The following TTK variants were observed in gnomAD, a reference collection of about 807,000 sequenced individuals.
TTK encodes dual specificity protein kinase TTK.
In TTK, 59 loss-of-function variants were observed where a neutral mutation model predicts 117.3. The observed-to-expected ratio is 0.50, with a 90% CI of 0.41 to 0.62. TTK has a LOEUF of 0.62. TTK is among the 20% of genes least tolerant of loss of function. The pLI, the probability that TTK is intolerant of heterozygous loss-of-function variation, is 0.00. For missense variants in TTK, 921 were observed against 989.4 expected (o/e 0.93, Z 0.93); for synonymous variants, 302 against 325.0 (o/e 0.93, Z 0.76).
intron 2 of TTK, among the ~76,000 whole-genome samples, chr6:80,006,406 GGCTGACT>G (rs1267897417): frequency 6.6e-6 from 1 of 152,126 alleles, no homozygotes; most frequent in Non-Finnish European, 1.5e-5. Context: ...TAATCATGGT[GGCTGACT>G]GTTCACTTTG....
At chr6:80,041,459 C>A (rs1173893497) in intron 21 of TTK, among the ~76,000 whole-genome samples, 9 of 151,606 alleles carry the variant, frequency 5.9e-5, no homozygotes, top group Non-Finnish European at 1.3e-4. Context: ...ATGGCTAAAT[C>A]AATGGATTTA....
At chr6:80,012,422 A>G (rs1297140058) in intron 8 of TTK, among the ~76,000 whole-genome samples, 2 of 151,988 alleles carry the variant, frequency 1.3e-5, no homozygotes, top group African/African-American at 4.8e-5. Flanking sequence ...TAGTGCTTCA[A>G]GAAGTGGGAC....
At chr6:80,015,361 A>G (rs1767279883) in intron 10 of TTK, among the ~76,000 whole-genome samples, 1 of 152,162 alleles carries the variant, frequency 6.6e-6, no homozygotes, top group Non-Finnish European at 1.5e-5. Flanking sequence ...TATTTTTAGA[A>G]TGCAGGGTAC....
rs150592665 is a variant in TTK, at chr6:80,013,928, A to G, written c.985-535A>G. On this transcript the variant is annotated intron_variant, in intron 9 of 21. Coordinates refer to ENST00000369798, the MANE Select transcript of TTK (RefSeq NM_003318.5). Reference sequence around the variant, plus strand: ...TGGCATCATGATGTGGGTCTTTTCAATTTTATGTTCTTTGTAATGCCTCCC... The same window carrying G: ...TGGCATCATGATGTGGGTCTTTTCAGTTTTATGTTCTTTGTAATGCCTCCC... Among the ~76,000 whole-genome samples, 97 of 152,034 alleles carry G rather than the reference A, an allele frequency of 6.4e-4. No individual in the cohort carries two copies. The Middle Eastern group carries it at 0.014, about 21-fold the overall frequency.
At chr6:80,008,929 C>CTGTGTGTGTGTGTGTGTGTGTGTG (rs3049166) in intron 4 of TTK, among the ~76,000 whole-genome samples, 54 of 142,404 alleles carry the variant, frequency 3.8e-4, no homozygotes, top group Admixed American at 5.1e-4. Flanking sequence ...AACTATATAT[C>CTGTGTGTGTGTGTGTGTGTGTGTG]TGTGTGTGTG....
intron 14 of TTK, among the ~76,000 whole-genome samples, chr6:80,034,303 C>T (rs368179297): frequency 6.6e-6 from 1 of 152,114 alleles, no homozygotes; most frequent in Non-Finnish European, 1.5e-5. Context: ...TAACAAATCA[C>T]AACTCTGACA....
Position 80,025,392 on chromosome 6 carries a change from C to T in TTK, c.1258-986C>T, listed in dbSNP as rs1035586875. Among the ~76,000 whole-genome samples the T allele has an allele frequency of 5.3e-5, 8 of 152,120 alleles. No homozygotes were observed. In the East Asian group the frequency reaches 9.6e-4, roughly 18 times the overall value. ...ATTTAGTCATTGTAATTCTCAAGTG[C>T]GTAATGAGGACCAGTGTGTTGAAAT... On this transcript the variant is annotated intron_variant, in intron 11 of 21. Coordinates refer to ENST00000369798, the MANE Select transcript of TTK (RefSeq NM_003318.5).
In TTK at chr6:80,041,143, C is replaced by T. The variant is rs188596015; in HGVS notation, c.2490+440C>T. 3.5e-3 allele frequency among the ~76,000 whole-genome samples: 535 copies of T among 151,844 alleles called. 1 individual carries two copies. The highest frequency in any genetic ancestry group is 5.9e-3 in the Non-Finnish European group (399 of 67,746). Reference sequence around the variant, plus strand: ...GCACAAGTCTCAAGCTTTTTAGCTTCCCAATGTCCATTTATATCTATACCA... The same window carrying T: ...GCACAAGTCTCAAGCTTTTTAGCTTTCCAATGTCCATTTATATCTATACCA... On this transcript the variant is annotated intron_variant, in intron 21 of 21. Transcript: ENST00000369798.
Position 80,013,386 on chromosome 6 carries a change from T to G in TTK, c.984+20T>G, listed in dbSNP as rs1225386054. The G allele has an allele frequency of 6.4e-7, 1 of 1,564,596 alleles. No homozygotes were observed. On this transcript the variant is annotated intron_variant, in intron 9 of 21. Transcript: ENST00000369798. ...TTAAAGGTATTTTAATTCTATATCA[T>G]TATATAAAGCAAGGGTTCCTGATCT...
chr6:80,036,602 A>G lies in TTK; in HGVS notation c.2049+3A>G. The G allele has an allele frequency of 1.9e-6, 3 of 1,606,008 alleles. No homozygotes were observed. Among genetic ancestry groups the G allele is most frequent in the Non-Finnish European group, 2.5e-6 (3 of 1,176,620 alleles). ...CAAGTGTTGTTAAAGATTCTCAGGT[A>G]AGACTTAATGTTGGTTCTCTCACAG... is the stretch of plus-strand genomic sequence containing the variant. On this transcript the variant is annotated splice_donor_region_variant and intron_variant, in intron 17 of 21. Coordinates refer to ENST00000369798, the MANE Select transcript of TTK (RefSeq NM_003318.5).
chr6:80,011,055 G>A, intron 5 of TTK, 98 bp downstream of exon 5: 1 of 1,325,710 alleles, frequency 7.5e-7, no homozygotes, highest in Non-Finnish European at 1.0e-6. Context: ...TATGTAGAAT[G>A]GTTAAAATCT....
intron 10 of TTK, among the ~76,000 whole-genome samples, chr6:80,020,302 A>C (rs1488671358): frequency 6.6e-6 from 1 of 151,774 alleles, no homozygotes. Context: ...CGTTTTAAAA[A>C]CCTCTTTTAT....
Position 80,027,912 on chromosome 6 carries a change from CT to C in TTK, c.1425del (p.Pro476HisfsTer34). The stretch of plus-strand genomic sequence containing the variant: ...TTAGAACTCCAGTTGTAAAGAATGA[CT>C]TTCCACCTGCTTGTCAGTTGTCAAC... ...CFRTPVVKNDFPPACQLSTPY... is the reference protein window; with the variant it reads ...CFRTPVVKNDXPPACQLSTPY... On this transcript the variant is annotated frameshift_variant, in exon 13 of 22. Transcript: ENST00000369798. LOFTEE classifies it high-confidence loss of function. 6.2e-7 allele frequency: 1 copy of C among 1,605,940 alleles called. No individual in the cohort carries two copies. Among genetic ancestry groups the C allele is most frequent in the Non-Finnish European group, 8.5e-7 (1 of 1,175,300 alleles).
chr6:80,026,502 A>G lies in TTK; in HGVS notation c.1382A>G (p.Asp461Gly). ...ACACCAAGCAGCAATACCTTGGATG[A>G]TTACATGAGCTGGTAATTACTTTGG... ...CKTPSSNTLDDYMSCFRTPVV... is the reference protein window; with the variant it reads ...CKTPSSNTLDGYMSCFRTPVV... Residue 461 changes from aspartate (D) to glycine (G), a missense_variant, in exon 12 of 22, where the codon GAT becomes GGT. By Grantham distance (94) the Asp-to-Gly change is moderately conservative (BLOSUM62 -1). Coordinates refer to ENST00000369798, the MANE Select transcript of TTK (RefSeq NM_003318.5). 1 of 1,613,676 alleles carries G rather than the reference A, an allele frequency of 6.2e-7. No individual in the cohort carries two copies.
intron 11 of TTK, among the ~76,000 whole-genome samples, chr6:80,024,188 A>G (rs1767543331): frequency 6.6e-6 from 1 of 152,226 alleles, no homozygotes; most frequent in African/African-American, 2.4e-5. Flanking sequence ...GTCATTTTGG[A>G]TAAGAGTCTG....
chr6:80,040,691 G>A lies in TTK; in HGVS notation c.2478G>A (p.Leu826=). 1 of 1,611,412 alleles carries A rather than the reference G, an allele frequency of 6.2e-7. No individual in the cohort carries two copies. The highest frequency in any genetic ancestry group is 8.5e-7 in the Non-Finnish European group (1 of 1,178,320). ...GTCTGAATTCTCCTAACTCCATTTT[G>A]AAAGCTGCTAAAGTAAGTATGTCTA... ...LVGLNSPNSI[L]KAAKTLYEHY... is the part of the protein sequence containing the mutation. The change falls in exon 21 of 22, where the codon TTG becomes TTA. Residue 826 remains leucine (L), a synonymous_variant. Transcript: ENST00000369798.
intron 13 of TTK, 93 bp downstream of exon 13, chr6:80,028,104 T>TGATAACTTGATATC: frequency 3.0e-6 from 4 of 1,350,824 alleles, no homozygotes; most frequent in Non-Finnish European, 3.9e-6. Flanking sequence ...AGAAAGGTCT[T>TGATAACTTGATATC]AAGAACTTGG....
chr6:80,036,492 C>G lies in TTK; in HGVS notation c.1942C>G (p.Leu648Val). The G allele has an allele frequency of 1.2e-6, 2 of 1,609,652 alleles. No individual in the cohort carries two copies. The highest frequency in any genetic ancestry group is 8.5e-7 in the Non-Finnish European group (1 of 1,178,108). The change falls in exon 17 of 22, where the codon CTT becomes GTT. Residue 648 changes from leucine to valine, a missense_variant. Leu to Val is a conservative substitution (Grantham distance 32). Coordinates refer to ENST00000369798, the MANE Select transcript of TTK (RefSeq NM_003318.5). Reference sequence around the variant, plus strand: ...TTTTAAAGGCATTGTTCACAGTGATCTTAAACCAGCTAACTTTCTGATAGT... The same window carrying G: ...TTTTAAAGGCATTGTTCACAGTGATGTTAAACCAGCTAACTTTCTGATAGT... ...IHQHGIVHSD[L>V]KPANFLIVDG...
rs892439126 is a variant in TTK, at chr6:80,037,888, T to G, written c.2050-79T>G. 63 of 602,132 alleles carry G rather than the reference T, an allele frequency of 1.0e-4. 2 individuals are homozygous for G. The highest frequency in any genetic ancestry group is 1.6e-4 in the Non-Finnish European group (63 of 394,806). The allele number at this position is 602,132 out of a possible 1,614,324, so 37.3% of individuals were successfully genotyped here. On this transcript the variant is annotated intron_variant, in intron 17 of 21. Coordinates refer to ENST00000369798, the MANE Select transcript of TTK (RefSeq NM_003318.5). ...AGTATAATAATAATAATAATAATAA[T>G]AATAATAATCTCAAAAAAAAATCTA... is the stretch of plus-strand genomic sequence containing the variant.
Sources: allele counts gnomAD v4.1 joint callset (sites outside exome capture counted in the v4.1 genomes callset), GRCh38; gene constraint gnomAD v4.1.1; transcripts MANE v1.5; gene names NCBI Gene and HGNC (gene_info 2026-07-23, HGNC 2026-07-21).